The following PSMF1 variants were observed in gnomAD, a reference collection of about 807,000 sequenced individuals.
PSMF1 encodes the protein proteasome inhibitor subunit 1, also known as proteasome inhibitor PI31 subunit.
Under a neutral mutation model 29.3 loss-of-function variants are expected in PSMF1, and 30 were observed. The ratio of observed to expected loss-of-function variants is 1.02; its 90% CI spans 0.77 to 1.39. PSMF1 has a LOEUF of 1.39. PSMF1 is among the 40% of genes most tolerant of loss of function. PSMF1 has a pLI of 0.00. For synonymous variants in PSMF1, 134 were observed against 139.7 expected (o/e 0.96, Z 0.29); for missense variants, 344 against 357.5 (o/e 0.96, Z 0.31).
intron 1 of PSMF1, 67 bp from the exon 2 acceptor site, chr20:1,125,431 G>T (rs141995030): frequency 2.0e-5 from 30 of 1,478,976 alleles, no homozygotes; most frequent in African/African-American, 2.8e-5. Flanking sequence ...AGCTTATCTC[G>T]TGAGGTTCTT....
intron 4 of PSMF1, among the ~76,000 whole-genome samples, chr20:1,144,449 T>C (rs2086423610): frequency 6.6e-6 from 1 of 152,136 alleles, no homozygotes. Flanking sequence ...AAAATGAAAA[T>C]TGTGCCCACA....
rs963902668 is a variant in PSMF1 at position 1,113,380 on chromosome 20, T to C, written c.-51T>C. On this transcript the variant is annotated 5_prime_UTR_variant, in exon 1 of 8. Transcript: ENST00000333082. ...CCTTCTCAGCCACCCACAGCCCTCATAGGGCAGAATGGGACTCTTGCTGAT... is the reference window on the plus strand; with the variant it reads ...CCTTCTCAGCCACCCACAGCCCTCACAGGGCAGAATGGGACTCTTGCTGAT... The C allele has an allele frequency of 3.3e-5, 5 of 151,036 alleles. 1 individual carries two copies. The highest frequency in any genetic ancestry group is 1.2e-4 in the African/African-American group (5 of 40,904). The allele number at this position is 151,036 out of a possible 1,614,324, so 9.4% of individuals were successfully genotyped here.
Position 1,164,987 on chromosome 20 carries a change from C to G in PSMF1, c.765-42C>G, listed in dbSNP as rs1175708030. On this transcript the variant is annotated intron_variant, in intron 6 of 6. Coordinates refer to ENST00000335877, the MANE Select transcript of PSMF1 (RefSeq NM_006814.5). This position sits in a 1 kb window ranked among gnomAD's most constrained non-coding sequence, Gnocchi z 4.1. ...TCATGTCTGCCCATGTTCCCCTGGTCTCTCCATCACTCCAACTCATCAGCC... is the reference window on the plus strand; with the variant it reads ...TCATGTCTGCCCATGTTCCCCTGGTGTCTCCATCACTCCAACTCATCAGCC... 2 of 1,537,164 alleles carry G rather than the reference C, an allele frequency of 1.3e-6. No individual in the cohort carries two copies. Among genetic ancestry groups the G allele is most frequent in the Non-Finnish European group, 1.8e-6 (2 of 1,110,176 alleles).
rs2086789850 is a variant in PSMF1, at chr20:1,171,510, CA to C, written c.*6433del. On this transcript the variant is annotated 3_prime_UTR_variant, in exon 7 of 7. Transcript: ENST00000335877. ...GACTTTCCCAAGGCCACACAGACCA[CA>C]AATCCTGGCTCCAAGTCCAGGGCGT... Among the ~76,000 whole-genome samples the C allele has an allele frequency of 6.6e-6, 1 of 152,224 alleles. No individual in the cohort carries two copies. The highest frequency in any genetic ancestry group is 1.5e-5 in the Non-Finnish European group (1 of 68,044).
At chr20:1,136,736 T>C (rs936797205) in intron 4 of PSMF1, among the ~76,000 whole-genome samples, 1 of 152,252 alleles carries the variant, frequency 6.6e-6, no homozygotes, top group Non-Finnish European at 1.5e-5. Context: ...AAGGCTGTTG[T>C]ATATAGATGT....
Position 1,169,432 on chromosome 20 carries a change from C to G in PSMF1, c.*4352C>G, listed in dbSNP as rs981390505. Among the ~76,000 whole-genome samples the G allele has an allele frequency of 1.3e-5, 2 of 152,192 alleles. No homozygotes were observed. The highest frequency in any genetic ancestry group is 2.9e-5 in the Non-Finnish European group (2 of 68,034). On this transcript the variant is annotated 3_prime_UTR_variant, in exon 7 of 7. Transcript: ENST00000335877. ...GCTGATGGTGCAGTGCAATAGAGGT[C>G]ACTGGATGCCCATTTGAACAGCTGC...
intron 3 of PSMF1, among the ~76,000 whole-genome samples, chr20:1,133,277 G>T (rs4404348): frequency 6.6e-6 from 1 of 150,644 alleles, no homozygotes; most frequent in African/African-American, 2.4e-5. Flanking sequence ...AGTTTGTTGA[G>T]AGTTTTTAAT....
intron 2 of PSMF1, among the ~76,000 whole-genome samples, chr20:1,126,507 C>T (rs534541422): frequency 8.5e-5 from 13 of 152,146 alleles, no homozygotes; most frequent in Non-Finnish European, 1.2e-4. Flanking sequence ...ATTTAGATCT[C>T]GTGTCAGATA....
upstream of PSMF1, chr20:1,117,942 T>C (rs1190793967): frequency 6.6e-6 from 1 of 152,208 alleles, no homozygotes; most frequent in Non-Finnish European, 1.5e-5. Flanking sequence ...CGGGCAGCAG[T>C]TGTGTCTCCT....
In PSMF1 at chr20:1,163,880, G is replaced by GA. The variant is rs1169557232; in HGVS notation, c.606-430dup. 6.6e-6 allele frequency among the ~76,000 whole-genome samples: 1 copy of GA among 151,808 alleles called. No individual in the cohort carries two copies. Among genetic ancestry groups the GA allele is most frequent in the Non-Finnish European group, 1.5e-5 (1 of 67,924 alleles). On this transcript the variant is annotated intron_variant, in intron 5 of 6. Transcript: ENST00000335877. The surrounding 1 kb of genome is among the most constrained non-coding windows in gnomAD (Gnocchi z 6.1). ...TGCCCTGAGGCCCTTAAGGGAAAGA[G>GA]AAAAAAAACCAACATCACGAATTAC... is the stretch of plus-strand genomic sequence containing the variant.
intron 1 of PSMF1, among the ~76,000 whole-genome samples, chr20:1,119,389 C>T (rs1008026973): frequency 2.0e-5 from 3 of 152,124 alleles, no homozygotes; most frequent in Non-Finnish European, 4.4e-5. Context: ...ACCTACTCAG[C>T]CCCAGGCCAG....
chr20:1,118,529 C>G (rs766491580), upstream of PSMF1: 1 of 386,368 alleles, frequency 2.6e-6, no homozygotes, highest in Admixed American at 4.4e-5. Flanking sequence ...CCTGGCGGAA[C>G]CTTTCAGTGC....
intron 3 of PSMF1, among the ~76,000 whole-genome samples, chr20:1,132,209 C>T (rs749662199): frequency 1.3e-5 from 2 of 151,764 alleles, no homozygotes; most frequent in Non-Finnish European, 2.9e-5. Context: ...TTTTCTTCGT[C>T]AAGGTAGTTG....
chr20:1,127,475 A>G lies in PSMF1; in HGVS notation c.332A>G (p.Tyr111Cys), dbSNP rs761718910. Residue 111 changes from tyrosine (Y) to cysteine (C), a missense_variant, in exon 3 of 7, where the codon TAT becomes TGT. Tyr to Cys is a radical substitution (Grantham distance 194). Transcript: ENST00000335877. Reference sequence around the variant, plus strand: ...GACTTGACCCTGAACTTGGATGATTATATCGATGCAGAACACCTGGGTGAC... The same window carrying G: ...GACTTGACCCTGAACTTGGATGATTGTATCGATGCAGAACACCTGGGTGAC... ...VADLTLNLDDYIDAEHLGDFH... is the reference protein window; with the variant it reads ...VADLTLNLDDCIDAEHLGDFH... 6.2e-7 allele frequency: 1 copy of G among 1,608,584 alleles called. No homozygotes were observed. The highest frequency in any genetic ancestry group is 8.5e-7 in the Non-Finnish European group (1 of 1,174,870).
rs187227366 is a variant in PSMF1 at position 1,155,023 on chromosome 20, A to G, written c.552-8107A>G. The stretch of plus-strand genomic sequence containing the variant: ...TTCAGTGCAGCCTTACAGAATGCAT[A>G]GAGTAAAGCTATTTGAGAATATGAA... On this transcript the variant is annotated intron_variant, in intron 4 of 6. Coordinates refer to ENST00000335877, the MANE Select transcript of PSMF1 (RefSeq NM_006814.5). 1.5e-3 allele frequency among the ~76,000 whole-genome samples: 223 copies of G among 152,354 alleles called. 1 individual carries two copies. The highest frequency in any genetic ancestry group is 5.1e-3 in the African/African-American group (211 of 41,576).
exon 1 of PSMF1, chr20:1,113,325 CCA>C (rs2085983662): frequency 6.6e-6 from 1 of 152,228 alleles, no homozygotes; most frequent in African/African-American, 2.4e-5. Context: ...TAGTGGGGGC[CCA>C]GACAGGGAGG....
At chr20:1,153,686 A>G (rs1022893246) in intron 4 of PSMF1, among the ~76,000 whole-genome samples, 4 of 152,210 alleles carry the variant, frequency 2.6e-5, no homozygotes, top group South Asian at 2.1e-4. Flanking sequence ...AATGTGAAAT[A>G]TATCTTTCTT....
intron 4 of PSMF1, among the ~76,000 whole-genome samples, chr20:1,160,154 C>T (rs929088059): frequency 1.3e-5 from 2 of 152,186 alleles, no homozygotes; most frequent in South Asian, 2.1e-4. Context: ...TTTACGCTCT[C>T]GGTACGCTTC....
chr20:1,127,238 GGC>G, intron 2 of PSMF1, 186 bp from the exon 3 acceptor site: 2 of 755,630 alleles, frequency 2.6e-6, no homozygotes, highest in East Asian at 4.9e-5. Context: ...GCCTTGGAAA[GGC>G]AATATTCCTA....
Sources: gnomAD v4.1 joint callset for allele counts (sites outside exome capture counted in the v4.1 genomes callset) on GRCh38, gnomAD v4.1.1 for gene constraint, Gnocchi (gnomAD v3.1) non-coding constraint, MANE v1.5 for transcripts, NCBI Gene and HGNC (gene_info 2026-07-23, HGNC 2026-07-21) for gene names.